The following WWOX variants were observed in gnomAD, a reference collection of about 807,000 sequenced individuals.
The protein encoded by WWOX is WW domain containing oxidoreductase, also known as WW domain-containing oxidoreductase.
A neutral mutation model predicts 46.2 loss-of-function variants in WWOX; 69 were observed. The observed-to-expected ratio is 1.49, with a 90% CI of 1.23 to 1.82. The LOEUF (loss-of-function observed/expected upper bound fraction) is 1.82, where lower values mean the gene tolerates loss of function less well. Among genes scored for constraint, WWOX ranks in the 40% most tolerant of loss-of-function variants. The pLI is 0.00. For missense variants in WWOX, 919 were observed against 542.6 expected (o/e 1.69, Z -6.89); for synonymous variants, 359 against 202.6 (o/e 1.77, Z -6.56).
chr16:78,834,491 A>T (rs935235667), intron 8 of WWOX, among the ~76,000 whole-genome samples: 1 of 152,210 alleles, frequency 6.6e-6, no homozygotes, highest in African/African-American at 2.4e-5. Context: ...AAAGAAACAT[A>T]GTAAGTGAGA....
At chr16:78,799,295 A>C (rs141975908) in intron 8 of WWOX, among the ~76,000 whole-genome samples, 1 of 152,158 alleles carries the variant, frequency 6.6e-6, no homozygotes, top group African/African-American at 2.4e-5. Flanking sequence ...AGTCTGTGAG[A>C]AGGAATGAAA....
intron 8 of WWOX, among the ~76,000 whole-genome samples, chr16:78,586,148 G>T (rs538737623): frequency 6.6e-6 from 1 of 152,010 alleles, no homozygotes; most frequent in Non-Finnish European, 1.5e-5. Context: ...TTTGAGCCCC[G>T]GAGTTCAAGA....
At chr16:78,767,480 G>GTC (rs1251228332) in intron 8 of WWOX, among the ~76,000 whole-genome samples, 3 of 85,228 alleles carry the variant, frequency 3.5e-5, no homozygotes, top group Non-Finnish European at 7.6e-5. Flanking sequence ...GTGTGTGTGT[G>GTC]TCTGTGTGTG....
chr16:78,818,520 C>T (rs1310730590), intron 8 of WWOX, among the ~76,000 whole-genome samples: 2 of 152,172 alleles, frequency 1.3e-5, no homozygotes, highest in African/African-American at 4.8e-5. Flanking sequence ...CACTTGAAGC[C>T]AGGAGTTTGA....
At chr16:78,607,332 A>G (rs1474910821) in intron 8 of WWOX, among the ~76,000 whole-genome samples, 1 of 152,204 alleles carries the variant, frequency 6.6e-6, no homozygotes, top group Non-Finnish European at 1.5e-5. Flanking sequence ...TAAATGAAAT[A>G]CGCTTACATC....
chr16:78,802,441 A>G (rs1394188800), intron 8 of WWOX, among the ~76,000 whole-genome samples: 3 of 152,136 alleles, frequency 2.0e-5, no homozygotes, highest in Non-Finnish European at 4.4e-5. Context: ...ACAGTTGTTT[A>G]TGGAAGGCTT....
Position 78,100,004 on chromosome 16 carries a change from CT to C in WWOX, c.107+120del, listed in dbSNP as rs796358123. On this transcript the variant is annotated intron_variant, in intron 1 of 8. Coordinates refer to ENST00000566780, the MANE Select transcript of WWOX (RefSeq NM_016373.4). ...CGCGTGCGGTGCAAAGTGAAAGTAA[CT>C]GTTAAGGAGCTTCAGGGAAAAGGGT... is the stretch of plus-strand genomic sequence containing the variant. The C allele has an allele frequency of 1.0e-5, 15 of 1,494,258 alleles. 1 individual carries two copies. In the South Asian group the frequency reaches 2.0e-4, roughly 20 times the overall value. The allele number at this position is 1,494,258 out of a possible 1,614,324, so 92.6% of individuals were successfully genotyped here. A position where few individuals can be genotyped will look rare whatever the true frequency, so the allele number is the denominator to read the frequency against.
chr16:78,797,921 A>G (rs1352191654), intron 8 of WWOX, among the ~76,000 whole-genome samples: 2 of 152,184 alleles, frequency 1.3e-5, no homozygotes, highest in African/African-American at 4.8e-5. Context: ...CCAAGAGGTC[A>G]AGACGGTAGT....
chr16:78,344,236 A>T (rs534377106), intron 5 of WWOX, among the ~76,000 whole-genome samples: 2 of 120,644 alleles, frequency 1.7e-5, no homozygotes, highest in South Asian at 5.0e-4. Flanking sequence ...ATGAATAAAT[A>T]TGCTGGGCCC....
intron 5 of WWOX, chr16:78,278,678 G>C (rs765871668): frequency 1.3e-6 from 2 of 1,596,690 alleles, no homozygotes; most frequent in South Asian, 2.2e-5. Context: ...AAAAATAAAA[G>C]ATCTTGAATA....
chr16:78,326,502 A>G (rs1289867209), intron 5 of WWOX, among the ~76,000 whole-genome samples: 1 of 145,058 alleles, frequency 6.9e-6, no homozygotes, highest in South Asian at 2.2e-4. Context: ...AAATGCCAGC[A>G]TCACTGTTAC....
At chr16:78,106,945 T>A (rs374401953) in intron 1 of WWOX, among the ~76,000 whole-genome samples, 42 of 152,276 alleles carry the variant, frequency 2.8e-4, no homozygotes, top group African/African-American at 8.7e-4. Flanking sequence ...GCGTGCTGAG[T>A]GAGGCATTCC....
intron 4 of WWOX, among the ~76,000 whole-genome samples, chr16:78,147,044 T>G (rs3764297): frequency 0.15 from 23,171 of 152,004 alleles, 2,063 homozygotes; most frequent in East Asian, 0.22. Flanking sequence ...AAAACAACAA[T>G]AGTAACAAAC....
chr16:78,199,389 A>G (rs890298954), intron 5 of WWOX, among the ~76,000 whole-genome samples: 2 of 152,190 alleles, frequency 1.3e-5, no homozygotes, highest in African/African-American at 4.8e-5. Context: ...CTATGGATTG[A>G]CTGTAAAATA....
chr16:78,133,272 T>C (rs184191386), intron 4 of WWOX, among the ~76,000 whole-genome samples: 55 of 152,340 alleles, frequency 3.6e-4, no homozygotes, highest in Admixed American at 3.3e-3. Flanking sequence ...ATTTTTACTT[T>C]TTTTGAAAGA....
At chr16:78,967,376 C>CG (rs539368338) in intron 8 of WWOX, among the ~76,000 whole-genome samples, 239 of 143,854 alleles carry the variant, frequency 1.7e-3, no homozygotes, top group Admixed American at 4.2e-3. Flanking sequence ...TGCAGCCTCC[C>CG]GGGCTCAAGC....
intron 5 of WWOX, among the ~76,000 whole-genome samples, chr16:78,379,825 C>T (rs892337694): frequency 6.6e-6 from 1 of 152,158 alleles, no homozygotes; most frequent in Non-Finnish European, 1.5e-5. Flanking sequence ...GGAATTATTC[C>T]TGTCCTATGT....
rs189257189 is a variant in WWOX at position 78,497,147 on chromosome 16, C to T, written c.1056+64395C>T. Among the ~76,000 whole-genome samples, 829 of 152,332 alleles carry T rather than the reference C, an allele frequency of 5.4e-3. 7 individuals are homozygous for T. Among genetic ancestry groups the T allele is most frequent in the South Asian group, 0.011 (51 of 4,824 alleles). ...ACCTTCTGTTAGGTGTATGTCTGCT[C>T]ATGCTTGAGAGTGGTGGTGTTTGGA... On this transcript the variant is annotated intron_variant, in intron 8 of 8. Transcript: ENST00000566780.
At chr16:78,457,661 C>G (rs1284181630) in intron 8 of WWOX, among the ~76,000 whole-genome samples, 1 of 152,056 alleles carries the variant, frequency 6.6e-6, no homozygotes, top group Non-Finnish European at 1.5e-5. Context: ...TGCCTGTAAT[C>G]CCAGCACTTT....
Sources: gnomAD v4.1 joint callset for allele counts (sites outside exome capture counted in the v4.1 genomes callset) on GRCh38, gnomAD v4.1.1 for gene constraint, MANE v1.5 for transcripts, NCBI Gene and HGNC (gene_info 2026-07-23, HGNC 2026-07-21) for gene names.